The following RNF115 variants were observed in gnomAD, a reference collection of about 807,000 sequenced individuals.
The protein encoded by RNF115 is E3 ubiquitin-protein ligase RNF115.
RNF115 carries 31 observed loss-of-function variants against 39.2 expected under a neutral mutation model. The observed-to-expected ratio is 0.79, with a 90% CI of 0.59 to 1.07. The LOEUF (loss-of-function observed/expected upper bound fraction) is 1.07, where lower values mean the gene tolerates loss of function less well. Ranked by LOEUF, RNF115 falls within the 50% of genes least tolerant of loss-of-function variation. The pLI, the probability that RNF115 is intolerant of heterozygous loss-of-function variation, is 0.00. For missense variants in RNF115, 384 were observed against 381.7 expected, an observed-to-expected ratio of 1.01 and a Z score of -0.05; for synonymous variants, 124 against 131.0, an observed-to-expected ratio of 0.95 and a Z score of 0.37.
chr1:145,814,133 G>C (rs1352475541), intron 1 of RNF115, among the ~76,000 whole-genome samples: 1 of 150,412 alleles, frequency 6.6e-6, no homozygotes, highest in African/African-American at 2.4e-5. Flanking sequence ...AATTAGCCGG[G>C]TGTGGTGGTA....
rs1334573352 is a variant in RNF115, at chr1:145,740,449, C to G, written c.*6417G>C. The G allele has an allele frequency of 6.6e-6, 1 of 152,198 alleles. No individual in the cohort carries two copies. The highest frequency in any genetic ancestry group is 6.5e-5 in the Admixed American group (1 of 15,274). The allele number at this position is 152,198 out of a possible 1,614,324, so 9.4% of individuals were successfully genotyped here. ...AAGAGTTTATTTACTCTGCTTATCTCGAGACTTGGTTAAACAGAAACTTAA... is the reference window on the plus strand; with the variant it reads ...AAGAGTTTATTTACTCTGCTTATCTGGAGACTTGGTTAAACAGAAACTTAA... On this transcript the variant is annotated 3_prime_UTR_variant, in exon 9 of 9. Coordinates refer to ENST00000582693, the MANE Select transcript of RNF115 (RefSeq NM_014455.4).
intron 3 of RNF115, among the ~76,000 whole-genome samples, chr1:145,776,877 C>T (rs1411229122): frequency 6.6e-6 from 1 of 152,172 alleles, no homozygotes; most frequent in African/African-American, 2.4e-5. Context: ...ACATAAAACA[C>T]CTTTTCATTT....
rs192869293 is a variant in RNF115 at position 145,756,952 on chromosome 1, C to T, written c.429-3903G>A. ...CCAGGTTTAAGCAATTCTCACGCCT[C>T]GGCCTCCTGAGTAGCTGGGATTACA... On this transcript the variant is annotated intron_variant, in intron 4 of 8. Coordinates refer to ENST00000582693, the MANE Select transcript of RNF115 (RefSeq NM_014455.4). 4.8e-3 allele frequency among the ~76,000 whole-genome samples: 719 copies of T among 151,046 alleles called. 4 individuals carry two copies. Among genetic ancestry groups the T allele is most frequent in the Non-Finnish European group, 7.5e-3 (510 of 67,876 alleles).
chr1:145,748,248 G>A (rs1553712044), intron 7 of RNF115, 138 bp from the exon 8 acceptor site: 4 of 620,110 alleles, frequency 6.5e-6, no homozygotes, highest in African/African-American at 5.5e-5. Flanking sequence ...CCAAGTAGCA[G>A]GCAGCTAAGA....
chr1:145,797,457 T>C (rs587647676), intron 1 of RNF115, among the ~76,000 whole-genome samples: 1 of 152,328 alleles, frequency 6.6e-6, no homozygotes, highest in East Asian at 1.9e-4. Context: ...ATCCTCAAGG[T>C]TCACCCACAC....
intron 4 of RNF115, among the ~76,000 whole-genome samples, chr1:145,759,325 T>C (rs587659986): frequency 6.6e-6 from 1 of 152,302 alleles, no homozygotes; most frequent in South Asian, 2.1e-4. Flanking sequence ...ACTTGTATAA[T>C]AAGCACCTCA....
intron 1 of RNF115, among the ~76,000 whole-genome samples, chr1:145,822,099 G>C (rs1650278373): frequency 6.6e-6 from 1 of 152,104 alleles, no homozygotes; most frequent in Non-Finnish European, 1.5e-5. Flanking sequence ...GCCCGAGTCG[G>C]GTGGATCACT....
At chr1:145,751,306 T>C (rs2101462352) in intron 6 of RNF115, 132 bp downstream of exon 6, 1 of 621,012 alleles carries the variant, frequency 1.6e-6, no homozygotes, top group Non-Finnish European at 2.9e-6. Context: ...TTTAGTAAAA[T>C]GGAAACCCCA....
rs1657783087 is a variant in RNF115 at position 145,744,058 on chromosome 1, T to TCCA, written c.*2805_*2807dup. Reference sequence around the variant, plus strand: ...CTGTGTATAAAAAGGCAGACCCCTATCCAGTACTTTGTTTCCACCCTTTTT... The same window carrying TCCA: ...CTGTGTATAAAAAGGCAGACCCCTATCCACCAGTACTTTGTTTCCACCCTTTTT... On this transcript the variant is annotated 3_prime_UTR_variant, in exon 9 of 9. Transcript: ENST00000582693. 6.6e-6 allele frequency: 1 copy of TCCA among 152,562 alleles called. No homozygotes were observed. 9.5% of individuals were successfully genotyped at this position (152,562 alleles called of 1,614,324 possible).
At chr1:145,798,062 C>A (rs1559126213) in intron 1 of RNF115, among the ~76,000 whole-genome samples, 1 of 152,158 alleles carries the variant, frequency 6.6e-6, no homozygotes, top group Non-Finnish European at 1.5e-5. Context: ...AACAGATACA[C>A]AATTTACAAA....
Position 145,777,144 on chromosome 1 carries a change from CTA to C in RNF115, c.220-5227_220-5226del, listed in dbSNP as rs1385883497. ...CTCACTAAGGTGAATTATAAGAAAT[CTA>C]TGATTCCCTTACTATATACAATTCC... On this transcript the variant is annotated intron_variant, in intron 3 of 8. Transcript: ENST00000582693. Among the ~76,000 whole-genome samples the C allele has an allele frequency of 2.0e-5, 3 of 152,188 alleles. No homozygotes were observed. In the East Asian group the frequency reaches 5.8e-4, roughly 29 times the overall value.
intron 7 of RNF115, among the ~76,000 whole-genome samples, chr1:145,748,809 G>A (rs868947066): frequency 5.3e-5 from 8 of 151,882 alleles, no homozygotes; most frequent in East Asian, 3.9e-4. Flanking sequence ...GCTTGAACCC[G>A]GGAGGCGGAG....
chr1:145,798,147 T>C (rs1276997039), intron 1 of RNF115, among the ~76,000 whole-genome samples: 4 of 152,220 alleles, frequency 2.6e-5, no homozygotes, highest in African/African-American at 9.6e-5. Context: ...TTAAGTTTGA[T>C]GCAGTCCCAT....
chr1:145,762,188 C>A (rs1445729631), intron 4 of RNF115, among the ~76,000 whole-genome samples: 1 of 152,174 alleles, frequency 6.6e-6, no homozygotes, highest in Non-Finnish European at 1.5e-5. Context: ...AGACTTTGGA[C>A]TTCAGACTTT....
intron 3 of RNF115, among the ~76,000 whole-genome samples, chr1:145,775,929 C>T (rs913795791): frequency 9.9e-5 from 15 of 151,910 alleles, no homozygotes; most frequent in Non-Finnish European, 1.8e-4. Flanking sequence ...ACCCAGGAGG[C>T]AGAGGTTGCA....
Position 145,744,289 on chromosome 1 carries a change from C to T in RNF115, c.*2577G>A, listed in dbSNP as rs1553711344. The T allele has an allele frequency of 6.6e-6, 1 of 152,210 alleles. No homozygotes were observed. The highest frequency in any genetic ancestry group is 1.9e-4 in the East Asian group (1 of 5,244). 9.4% of individuals were successfully genotyped at this position (152,210 alleles called of 1,614,324 possible). ...AGCCTTCCTCCATCTAAGTAGTGGC[C>T]AAATATTCATAATACACCTCTAATT... is the stretch of plus-strand genomic sequence containing the variant. On this transcript the variant is annotated 3_prime_UTR_variant, in exon 9 of 9. Transcript: ENST00000582693.
chr1:145,749,046 AAC>A (rs1402411877), intron 7 of RNF115, among the ~76,000 whole-genome samples: 1 of 152,170 alleles, frequency 6.6e-6, no homozygotes, highest in East Asian at 1.9e-4. Context: ...TCTGAGAAGA[AAC>A]AGTCATGAAC....
chr1:145,758,484 C>G (rs1553713507), intron 4 of RNF115, among the ~76,000 whole-genome samples: 1 of 152,146 alleles, frequency 6.6e-6, no homozygotes, highest in East Asian at 1.9e-4. Context: ...TCCTGACCCT[C>G]AAAAATATTG....
intron 3 of RNF115, among the ~76,000 whole-genome samples, chr1:145,783,395 TG>T (rs1648235778): frequency 6.6e-6 from 1 of 152,008 alleles, no homozygotes; most frequent in African/African-American, 2.4e-5. Context: ...CATCAAAATG[TG>T]GGGGCTACAG....
Sources: gnomAD v4.1 joint callset for allele counts (sites outside exome capture counted in the v4.1 genomes callset) on GRCh38, gnomAD v4.1.1 for gene constraint, MANE v1.5 for transcripts, NCBI Gene and HGNC (gene_info 2026-07-23, HGNC 2026-07-21) for gene names.